NOVA1: variants seen among roughly 807,000 people sequenced by gnomAD.
The protein encoded by NOVA1 is RNA-binding protein Nova-1.
Under a neutral mutation model 38.0 loss-of-function variants are expected in NOVA1, and 7 were observed. The observed-to-expected ratio is 0.18, with a 90% CI of 0.10 to 0.35. The LOEUF is 0.35. Among genes scored for constraint, NOVA1 ranks in the 10% least tolerant of loss-of-function variants. The pLI, the probability that NOVA1 is intolerant of heterozygous loss-of-function variation, is 1.00. For missense variants in NOVA1, 460 were observed against 616.0 expected (o/e 0.75, Z 2.68); for synonymous variants, 270 against 232.5 (o/e 1.16, Z -1.47).
intron 2 of NOVA1, chr14:26,549,830 T>C (rs1424168018): frequency 1.0e-6 from 1 of 983,580 alleles, no homozygotes; most frequent in East Asian, 6.1e-5. Flanking sequence ...ACCTCAGAAG[T>C]GGCTGCAATT....
At chr14:26,466,292 A>T (rs914375953) in intron 4 of NOVA1, among the ~76,000 whole-genome samples, 8 of 152,192 alleles carry the variant, frequency 5.3e-5, no homozygotes, top group African/African-American at 1.9e-4. Context: ...GTTGGCTTTT[A>T]CTCAGCGAAA....
chr14:26,505,641 T>C (rs1258284340), intron 2 of NOVA1, among the ~76,000 whole-genome samples: 1 of 152,200 alleles, frequency 6.6e-6, no homozygotes, highest in Middle Eastern at 3.2e-3. Flanking sequence ...ATTAAAATAA[T>C]ACACATAATA....
intron 4 of NOVA1, among the ~76,000 whole-genome samples, chr14:26,467,454 A>G (rs1183817467): frequency 6.6e-6 from 1 of 152,192 alleles, no homozygotes; most frequent in East Asian, 1.9e-4. Context: ...TGGGAAATAG[A>G]GAGTAGAGAT....
chr14:26,463,425 G>A (rs1448177307), intron 4 of NOVA1, among the ~76,000 whole-genome samples: 2 of 152,142 alleles, frequency 1.3e-5, no homozygotes, highest in African/African-American at 4.8e-5. Context: ...ACTGTGTGAT[G>A]TTGATTCCAA....
In NOVA1 at chr14:26,597,630, G is replaced by A; in HGVS notation, c.-194C>T. On this transcript the variant is annotated 5_prime_UTR_variant, in exon 1 of 5. Coordinates refer to ENST00000539517, the MANE Select transcript of NOVA1 (RefSeq NM_002515.3). ...CTGGTTTGTTCTCACTGGGGAGGGG[G>A]CAGGGCTGAGGAGCAGCTGCAGTGC... 1 of 1,217,304 alleles carries A rather than the reference G, an allele frequency of 8.2e-7. No homozygotes were observed. Among genetic ancestry groups the A allele is most frequent in the Non-Finnish European group, 1.0e-6 (1 of 980,604 alleles). The allele number at this position is 1,217,304 out of a possible 1,614,324, so 75.4% of individuals were successfully genotyped here.
chr14:26,586,797 T>C (rs934895061), intron 2 of NOVA1, among the ~76,000 whole-genome samples: 2 of 151,060 alleles, frequency 1.3e-5, no homozygotes, highest in African/African-American at 4.8e-5. Flanking sequence ...TATCCTTTTC[T>C]AAAAGAAATT....
intron 4 of NOVA1, among the ~76,000 whole-genome samples, chr14:26,462,739 C>G (rs1883788210): frequency 6.6e-6 from 1 of 152,102 alleles, no homozygotes. Context: ...CTCAATAAAG[C>G]ATCAAAAAAG....
intron 2 of NOVA1, among the ~76,000 whole-genome samples, chr14:26,551,845 A>C (rs564531923): frequency 6.6e-6 from 1 of 152,030 alleles, no homozygotes; most frequent in Admixed American, 6.5e-5. Flanking sequence ...AGATATAATA[A>C]CCATTCATAC....
At chr14:26,516,219 G>C (rs1411720914) in intron 2 of NOVA1, among the ~76,000 whole-genome samples, 1 of 152,060 alleles carries the variant, frequency 6.6e-6, no homozygotes, top group Non-Finnish European at 1.5e-5. Context: ...TCAGTTGTTT[G>C]GCCAATTTTT....
At chr14:26,476,474 G>C (rs996739893) in intron 3 of NOVA1, among the ~76,000 whole-genome samples, 5 of 151,914 alleles carry the variant, frequency 3.3e-5, no homozygotes, top group Non-Finnish European at 7.4e-5. Flanking sequence ...ATTCCCTCTC[G>C]ACTGCAACAT....
At chr14:26,484,832 A>T (rs1885758771) in intron 2 of NOVA1, among the ~76,000 whole-genome samples, 1 of 152,188 alleles carries the variant, frequency 6.6e-6, no homozygotes, top group Non-Finnish European at 1.5e-5. Flanking sequence ...AGAATGCCAC[A>T]TGCTCCTAGC....
intron 2 of NOVA1, among the ~76,000 whole-genome samples, chr14:26,513,752 C>A (rs928896378): frequency 6.6e-6 from 1 of 151,306 alleles, no homozygotes. Flanking sequence ...TATTCTCAAC[C>A]GAACATTAAT....
intron 2 of NOVA1, among the ~76,000 whole-genome samples, chr14:26,507,767 T>C (rs1887752328): frequency 6.6e-6 from 1 of 152,058 alleles, no homozygotes; most frequent in Non-Finnish European, 1.5e-5. Flanking sequence ...CACCAGAAAA[T>C]CCATAAACAA....
chr14:26,543,350 A>AATTAAGCATATAATGTCCCAAACAC (rs1890588065), intron 2 of NOVA1, among the ~76,000 whole-genome samples: 1 of 152,008 alleles, frequency 6.6e-6, no homozygotes, highest in Admixed American at 6.6e-5. Flanking sequence ...GAGATTCATT[A>AATTAAGCATATAATGTCCCAAACAC]ATTAAGCATA....
chr14:26,579,053 C>CTTTTTTT lies in NOVA1; in HGVS notation c.280+16350_280+16356dup, dbSNP rs869075814. Among the ~76,000 whole-genome samples, 37 of 80,082 alleles carry CTTTTTTT rather than the reference C, an allele frequency of 4.6e-4. 2 individuals carry two copies. Among genetic ancestry groups the CTTTTTTT allele is most frequent in the Non-Finnish European group, 5.4e-4 (26 of 47,842 alleles). The allele number at this position is 80,082 out of a possible 152,430, so 52.5% of individuals were successfully genotyped here. On this transcript the variant is annotated intron_variant, in intron 2 of 4. Transcript: ENST00000539517. ...TTTTTTTTCCATAGCAGGTGGTATT[C>CTTTTTTT]TTTTTTTTTTTTTTTTTTTTTTTGA... is the stretch of plus-strand genomic sequence containing the variant.
chr14:26,576,793 C>A (rs763244052), intron 2 of NOVA1, among the ~76,000 whole-genome samples: 4 of 151,616 alleles, frequency 2.6e-5, no homozygotes, highest in African/African-American at 9.7e-5. Context: ...TGTTTTGATA[C>A]GCATATACAT....
intron 2 of NOVA1, among the ~76,000 whole-genome samples, chr14:26,521,011 T>C (rs1888837617): frequency 6.6e-6 from 1 of 152,012 alleles, no homozygotes; most frequent in Non-Finnish European, 1.5e-5. Flanking sequence ...AACACCAAAG[T>C]CTAACATCAG....
At chr14:26,533,149 T>C (rs1255720886) in intron 2 of NOVA1, among the ~76,000 whole-genome samples, 2 of 152,232 alleles carry the variant, frequency 1.3e-5, no homozygotes, top group Non-Finnish European at 2.9e-5. Context: ...TTTGTTCTAA[T>C]ACAACTGACA....
At chr14:26,473,642 T>G (rs1884763625) in intron 3 of NOVA1, among the ~76,000 whole-genome samples, 1 of 151,908 alleles carries the variant, frequency 6.6e-6, no homozygotes, top group Non-Finnish European at 1.5e-5. Context: ...AATAAGAAAT[T>G]TCCAGGCTTC....
Sources: gnomAD v4.1 joint callset for allele counts (sites outside exome capture counted in the v4.1 genomes callset) on GRCh38, gnomAD v4.1.1 for gene constraint, MANE v1.5 for transcripts, NCBI Gene and HGNC (gene_info 2026-07-23, HGNC 2026-07-21) for gene names.